The following EIF2B5 variants were observed in gnomAD, a reference collection of about 807,000 sequenced individuals.
The protein encoded by EIF2B5 is translation initiation factor eIF2B subunit epsilon.
EIF2B5 carries 38 observed loss-of-function variants against 87.3 expected under a neutral mutation model. The ratio of observed to expected loss-of-function variants is 0.44; its 90% CI spans 0.34 to 0.57. The LOEUF (loss-of-function observed/expected upper bound fraction) is 0.57. Ranked by LOEUF, EIF2B5 falls within the 20% of genes least tolerant of loss-of-function variation. The pLI is 0.02. For synonymous variants in EIF2B5, 313 were observed against 339.6 expected (o/e 0.92, Z 0.86); for missense variants, 784 against 909.5 (o/e 0.86, Z 1.78).
chr3:184,136,782 A>G (rs766064882), intron 2 of EIF2B5, 46 bp downstream of exon 2: 1 of 1,613,744 alleles, frequency 6.2e-7, no homozygotes, highest in Non-Finnish European at 8.5e-7. Flanking sequence ...ATCTTTTTCC[A>G]GTTTTTTCAG....
In EIF2B5 at chr3:184,140,727, A is replaced by G. The variant is rs113994073; in HGVS notation, c.1153A>G (p.Ile385Val). 5.6e-6 allele frequency: 9 copies of G among 1,614,046 alleles called. No individual in the cohort carries two copies. The highest frequency in any genetic ancestry group is 1.7e-5 in the Admixed American group (1 of 60,024). Reference protein sequence around the residue: ...TNSVIGPGCHIGDNVVLDQTY... With the variant: ...TNSVIGPGCHVGDNVVLDQTY... ...CAGTGTCATTGGCCCCGGCTGCCACATTGGTGAGCACAGGTGGGGAATCAA... is the reference window on the plus strand; with the variant it reads ...CAGTGTCATTGGCCCCGGCTGCCACGTTGGTGAGCACAGGTGGGGAATCAA... The change falls in exon 7 of 16, where the codon ATT (isoleucine) becomes GTT (valine). Residue 385 changes from isoleucine to valine, a missense_variant. Transcript: ENST00000648915.
chr3:184,136,479 G>A, intron 1 of EIF2B5, 133 bp from the exon 2 acceptor site: 2 of 1,220,210 alleles, frequency 1.6e-6, no homozygotes, highest in African/African-American at 1.5e-5. Flanking sequence ...GCAGGAACCT[G>A]TTTATCTTTG....
rs1323072944 is a variant in EIF2B5 at position 184,141,973 on chromosome 3, T to C, written c.1205T>C (p.Val402Ala). 6.2e-7 allele frequency: 1 copy of C among 1,613,992 alleles called. No homozygotes were observed. The highest frequency in any genetic ancestry group is 1.1e-5 in the South Asian group (1 of 91,068). ...ACCTACCTGTGGCAGGGTGTTCGAG[T>C]GGCGGCTGGAGCACAGATCCATCAG... ...DQTYLWQGVRVAAGAQIHQSL... is the reference protein window; with the variant it reads ...DQTYLWQGVRAAAGAQIHQSL... The change falls in exon 8 of 16, where the codon GTG (valine) becomes GCG (alanine). Residue 402 changes from valine to alanine, a missense_variant. Physicochemically the swap from Val to Ala is moderately conservative, Grantham distance 64. Transcript: ENST00000648915.
rs569657008 is a variant in EIF2B5, at chr3:184,144,995, G to A, written c.*52G>A. ...TGATTGAGTGCCCTCCTGGCTCCTG[G>A]GCTGGGACAAGTGAGGAACTAGCTG... On this transcript the variant is annotated 3_prime_UTR_variant, in exon 16 of 16. Transcript: ENST00000648915. 5 of 1,574,234 alleles carry A rather than the reference G, an allele frequency of 3.2e-6. No homozygotes were observed. The African/African-American group carries it at 6.7e-5, about 21-fold the overall frequency.
chr3:184,144,012 C>A, intron 13 of EIF2B5, 87 bp from the exon 14 acceptor site: 1 of 1,587,232 alleles, frequency 6.3e-7, no homozygotes, highest in South Asian at 1.1e-5. Context: ...CTTTTGTCCA[C>A]CCATGTCATC....
Position 184,143,153 on chromosome 3 carries a change from C to T in EIF2B5, c.1745+11C>T, listed in dbSNP as rs751708058. On this transcript the variant is annotated intron_variant, in intron 12 of 15. Transcript: ENST00000648915. The stretch of plus-strand genomic sequence containing the variant: ...AATCAACTCTCTCAAGTAAGAGCAG[C>T]CCCTCCCTGTTCTCCTCGGGGTGAT... The T allele has an allele frequency of 6.2e-7, 1 of 1,611,536 alleles. No individual in the cohort carries two copies. The highest frequency in any genetic ancestry group is 1.3e-5 in the African/African-American group (1 of 74,902).
At chr3:184,144,576 C>T (rs1448360507) in intron 14 of EIF2B5, 21 bp from the exon 15 acceptor site, 2 of 1,608,190 alleles carry the variant, frequency 1.2e-6, no homozygotes, top group South Asian at 1.1e-5. Context: ...CCCTGAGGTC[C>T]CCTTTATTGG....
chr3:184,136,181 A>G (rs746231780), intron 1 of EIF2B5, among the ~76,000 whole-genome samples: 27 of 152,192 alleles, frequency 1.8e-4, no homozygotes, highest in Non-Finnish European at 2.6e-4. Flanking sequence ...ATCCTCTCTA[A>G]TTCCCTCGAA....
intron 5 of EIF2B5, among the ~76,000 whole-genome samples, chr3:184,139,175 T>C (rs1054578493): frequency 6.6e-6 from 1 of 151,804 alleles, no homozygotes; most frequent in Middle Eastern, 3.4e-3. Flanking sequence ...TTCACCATAT[T>C]GGCCAGGCTG....
rs773399834 is a variant in EIF2B5 at position 184,135,456 on chromosome 3, C to T, written c.71C>T (p.Pro24Leu). 6 of 1,580,138 alleles carry T rather than the reference C, an allele frequency of 3.8e-6. No individual in the cohort carries two copies. The highest frequency in any genetic ancestry group is 3.5e-5 in the South Asian group (3 of 86,682). The change falls in exon 1 of 16, where the codon CCG becomes CTG. Residue 24 changes from proline to leucine, a missense_variant. Transcript: ENST00000648915. ...SRANKRSGAG[P>L]GGSGGGGARG... The stretch of plus-strand genomic sequence containing the variant: ...GCTAACAAGCGCAGCGGCGCGGGGC[C>T]GGGAGGCAGCGGTGGCGGGGGAGCC...
At chr3:184,141,787 G>C in intron 7 of EIF2B5, 138 bp from the exon 8 acceptor site, 1 of 1,094,764 alleles carries the variant, frequency 9.1e-7, no homozygotes, top group Non-Finnish European at 1.4e-6. Flanking sequence ...GTGAGTGGGT[G>C]TTTCTGGTGA....
rs560211926 is a variant in EIF2B5 at position 184,142,720 on chromosome 3, A to G, written c.1547-59A>G. 27 of 1,562,348 alleles carry G rather than the reference A, an allele frequency of 1.7e-5. No individual in the cohort carries two copies. In the African/African-American group the frequency reaches 3.6e-4, roughly 21 times the overall value. ...CTTTATTCAGGCAGACAGGGCAGGT[A>G]TATTGCTCTCTGTCAATGACTCTTT... is the stretch of plus-strand genomic sequence containing the variant. On this transcript the variant is annotated intron_variant, in intron 10 of 15. Transcript: ENST00000648915. The surrounding 1 kb of genome is among the most constrained non-coding windows in gnomAD (Gnocchi z 5.0).
chr3:184,143,233 T>C (rs763421709), intron 12 of EIF2B5, 91 bp downstream of exon 12: 1 of 1,490,914 alleles, frequency 6.7e-7, no homozygotes, highest in Non-Finnish European at 9.2e-7. Flanking sequence ...AGGAACCTAT[T>C]CCTTCGACAT....
At position 184,145,125 on chromosome 3, in the gene EIF2B5, G is replaced by GTCAGGA; in HGVS notation, c.*183_*184insCAGGAT. 1.5e-6 allele frequency: 1 copy of GTCAGGA among 671,646 alleles called. No homozygotes were observed. The highest frequency in any genetic ancestry group is 2.7e-6 in the Non-Finnish European group (1 of 375,076). The allele number at this position is 671,646 out of a possible 1,614,324, so 41.6% of individuals were successfully genotyped here. On this transcript the variant is annotated 3_prime_UTR_variant, in exon 16 of 16. Coordinates refer to ENST00000648915, the MANE Select transcript of EIF2B5 (RefSeq NM_003907.3). The surrounding 1 kb of genome is among the most constrained non-coding windows in gnomAD (Gnocchi z 4.0). Reference sequence around the variant, plus strand: ...CAACCATGTGCCTCCCATCCTGACTGTGGAGTTGGGATGTGGAAGTGGGGC... The same window carrying GTCAGGA: ...CAACCATGTGCCTCCCATCCTGACTGTCAGGATGGAGTTGGGATGTGGAAGTGGGGC...
intron 5 of EIF2B5, among the ~76,000 whole-genome samples, chr3:184,139,350 A>T (rs1157254754): frequency 7.8e-6 from 1 of 128,616 alleles, no homozygotes; most frequent in African/African-American, 3.0e-5. Flanking sequence ...GTGCGATCTC[A>T]GCTCACTGCA....
In EIF2B5 at chr3:184,142,763, C is replaced by A. The variant is rs373382871; in HGVS notation, c.1547-16C>A. 2 of 1,610,950 alleles carry A rather than the reference C, an allele frequency of 1.2e-6. No individual in the cohort carries two copies. The highest frequency in any genetic ancestry group is 2.2e-5 in the East Asian group (1 of 44,836). On this transcript the variant is annotated splice_polypyrimidine_tract_variant and intron_variant, in intron 10 of 15. Coordinates refer to ENST00000648915, the MANE Select transcript of EIF2B5 (RefSeq NM_003907.3). The surrounding 1 kb of genome is among the most constrained non-coding windows in gnomAD (Gnocchi z 5.0). The stretch of plus-strand genomic sequence containing the variant: ...GACTCTTTTTTTCTTTTTCCTCACC[C>A]ATTATGGCTTCTCAGGACTCAAGAT...
Position 184,145,099 on chromosome 3 carries a change from G to A in EIF2B5, c.*156G>A. 1 of 721,924 alleles carries A rather than the reference G, an allele frequency of 1.4e-6. No individual in the cohort carries two copies. The allele number at this position is 721,924 out of a possible 1,614,324, so 44.7% of individuals were successfully genotyped here. A position where few individuals can be genotyped will look rare whatever the true frequency, so the allele number is the denominator to read the frequency against. On this transcript the variant is annotated 3_prime_UTR_variant, in exon 16 of 16. Coordinates refer to ENST00000648915, the MANE Select transcript of EIF2B5 (RefSeq NM_003907.3). The surrounding 1 kb of genome is among the most constrained non-coding windows in gnomAD (Gnocchi z 4.0). ...AACTACAGTATTCTTTCCCCTGCTAGCAACCATGTGCCTCCCATCCTGACT... is the reference window on the plus strand; with the variant it reads ...AACTACAGTATTCTTTCCCCTGCTAACAACCATGTGCCTCCCATCCTGACT...
At chr3:184,136,405 T>C (rs1713359978) in intron 1 of EIF2B5, among the ~76,000 whole-genome samples, 1 of 152,250 alleles carries the variant, frequency 6.6e-6, no homozygotes, top group Non-Finnish European at 1.5e-5. Flanking sequence ...ATAGATTCTG[T>C]ACTTACCATC....
Position 184,140,175 on chromosome 3 carries a change from A to G in EIF2B5, c.843+18A>G, listed in dbSNP as rs756837355. 9 of 1,605,966 alleles carry G rather than the reference A, an allele frequency of 5.6e-6. No homozygotes were observed. In the South Asian group the frequency reaches 6.6e-5, roughly 12 times the overall value. On this transcript the variant is annotated intron_variant, in intron 6 of 15. Coordinates refer to ENST00000648915, the MANE Select transcript of EIF2B5 (RefSeq NM_003907.3). Reference sequence around the variant, plus strand: ...ATGAGGAGGTGAGAAAAGTCTTCCAATGCCTCTTTAGGAGAGAGGAGAAGG... The same window carrying G: ...ATGAGGAGGTGAGAAAAGTCTTCCAGTGCCTCTTTAGGAGAGAGGAGAAGG...
Sources: gnomAD v4.1 joint callset for allele counts (sites outside exome capture counted in the v4.1 genomes callset) on GRCh38, gnomAD v4.1.1 for gene constraint, Gnocchi (gnomAD v3.1) non-coding constraint, MANE v1.5 for transcripts, NCBI Gene and HGNC (gene_info 2026-07-23, HGNC 2026-07-21) for gene names.